The following PBX3 variants were observed in gnomAD, a reference collection of about 807,000 sequenced individuals.
PBX3 encodes pre-B-cell leukemia transcription factor 3.
In PBX3, 14 loss-of-function variants were observed where a neutral mutation model predicts 48.5. The ratio of observed to expected loss-of-function variants is 0.29; its 90% CI spans 0.19 to 0.45. The LOEUF is 0.45. PBX3 is among the 20% of genes least tolerant of loss of function. The pLI is 1.00. For synonymous variants in PBX3, 210 were observed against 200.3 expected, an observed-to-expected ratio of 1.05 and a Z score of -0.41; for missense variants, 386 against 546.7, an observed-to-expected ratio of 0.71 and a Z score of 2.93.
At chr9:125,788,100 T>TA (rs752498634) in intron 2 of PBX3, among the ~76,000 whole-genome samples, 6 of 152,246 alleles carry the variant, frequency 3.9e-5, no homozygotes, top group Non-Finnish European at 8.8e-5. Context: ...TATTAGTTAA[T>TA]AACCAACAGT....
At chr9:125,899,316 TA>T (rs1840867312) in intron 2 of PBX3, among the ~76,000 whole-genome samples, 2 of 112,682 alleles carry the variant, frequency 1.8e-5, no homozygotes, top group South Asian at 4.9e-4. Context: ...TATATGTATA[TA>T]TTTTTATATA....
chr9:125,784,205 T>C (rs1317858126), intron 2 of PBX3, among the ~76,000 whole-genome samples: 3 of 152,102 alleles, frequency 2.0e-5, no homozygotes, highest in Non-Finnish European at 4.4e-5. Context: ...CTTGGCTCAC[T>C]GCAACCTCTG....
intron 3 of PBX3, among the ~76,000 whole-genome samples, chr9:125,918,889 C>G (rs918869271): frequency 6.6e-6 from 1 of 152,118 alleles, no homozygotes; most frequent in Non-Finnish European, 1.5e-5. Context: ...ATGGTCCTTT[C>G]AGAGACATGC....
chr9:125,829,297 C>T (rs947430301), intron 2 of PBX3, among the ~76,000 whole-genome samples: 3 of 152,136 alleles, frequency 2.0e-5, no homozygotes, highest in Non-Finnish European at 4.4e-5. Context: ...TATTCTCAAA[C>T]TACATCATTA....
At chr9:125,836,948 A>C (rs531131342) in intron 2 of PBX3, among the ~76,000 whole-genome samples, 2 of 152,350 alleles carry the variant, frequency 1.3e-5, no homozygotes, top group African/African-American at 4.8e-5. Flanking sequence ...AAATTGGTAC[A>C]ACCTTTCTTT....
intron 2 of PBX3, among the ~76,000 whole-genome samples, chr9:125,783,616 C>T (rs12236184): frequency 6.6e-6 from 1 of 152,234 alleles, no homozygotes; most frequent in Admixed American, 6.5e-5. Context: ...AATCTCTTTG[C>T]TAATACTCTG....
At chr9:125,802,407 G>A (rs1433473611) in intron 2 of PBX3, among the ~76,000 whole-genome samples, 1 of 114,912 alleles carries the variant, frequency 8.7e-6, no homozygotes, top group Non-Finnish European at 1.7e-5. Context: ...TCATTCCGTT[G>A]CCCAGTGTGG....
intron 2 of PBX3, among the ~76,000 whole-genome samples, chr9:125,866,726 T>C (rs1839991153): frequency 6.6e-6 from 1 of 152,214 alleles, no homozygotes. Flanking sequence ...CAGATGTTAT[T>C]TGTAACTTTG....
chr9:125,813,406 G>GTA (rs1311103206), intron 2 of PBX3, among the ~76,000 whole-genome samples: 4 of 152,158 alleles, frequency 2.6e-5, no homozygotes, highest in African/African-American at 9.7e-5. Context: ...AACCATCATT[G>GTA]TATATGTGGT....
intron 8 of PBX3, 49 bp from the exon 9 acceptor site, chr9:125,965,782 A>G: frequency 7.4e-7 from 1 of 1,360,374 alleles, no homozygotes; most frequent in Non-Finnish European, 1.1e-6. Flanking sequence ...ATTGGGGAGT[A>G]GAATTAATAT....
intron 2 of PBX3, among the ~76,000 whole-genome samples, chr9:125,865,096 T>TG (rs1232752723): frequency 6.6e-6 from 1 of 152,276 alleles, no homozygotes; most frequent in Non-Finnish European, 1.5e-5. Context: ...CTGGGTAACT[T>TG]GTGGCCATGC....
chr9:125,881,530 T>A (rs1038354655), intron 2 of PBX3, among the ~76,000 whole-genome samples: 1 of 152,184 alleles, frequency 6.6e-6, no homozygotes, highest in African/African-American at 2.4e-5. Context: ...GCAATATAAT[T>A]ATACATTTCT....
At chr9:125,955,482 G>A (rs945278024) in intron 5 of PBX3, among the ~76,000 whole-genome samples, 1 of 152,190 alleles carries the variant, frequency 6.6e-6, no homozygotes, top group Non-Finnish European at 1.5e-5. Context: ...AGGTTAAGAA[G>A]GGAAAAGGGA....
intron 2 of PBX3, among the ~76,000 whole-genome samples, chr9:125,816,293 C>T (rs1210889063): frequency 1.3e-5 from 2 of 151,350 alleles, no homozygotes; most frequent in African/African-American, 2.4e-5. Context: ...CCCCTGCACC[C>T]GGCTCTTCCC....
chr9:125,756,664 C>T (rs1836526490), intron 2 of PBX3, among the ~76,000 whole-genome samples: 1 of 152,156 alleles, frequency 6.6e-6, no homozygotes, highest in Non-Finnish European at 1.5e-5. Flanking sequence ...CCACAGCTGC[C>T]ATGCATGCAT....
intron 2 of PBX3, among the ~76,000 whole-genome samples, chr9:125,777,437 C>T (rs532808638): frequency 6.6e-6 from 1 of 151,826 alleles, no homozygotes; most frequent in Admixed American, 6.6e-5. Context: ...CTCACTGCAA[C>T]CTCCACCCCC....
chr9:125,813,043 A>G lies in PBX3; in HGVS notation c.274+64420A>G, dbSNP rs944984479. On this transcript the variant is annotated intron_variant, in intron 2 of 8. Transcript: ENST00000373489. ...TTTATATATGATGTACACTTAGGCT[A>G]TACTAAATTTATAAAAATATTTTTA... Among the ~76,000 whole-genome samples, 4 of 152,242 alleles carry G rather than the reference A, an allele frequency of 2.6e-5. No homozygotes were observed. The South Asian group carries it at 8.3e-4, about 31-fold the overall frequency.
rs1215404993 is a variant in PBX3, at chr9:125,935,456, T to G, written c.708-16T>G. 1 of 1,612,660 alleles carries G rather than the reference T, an allele frequency of 6.2e-7. No individual in the cohort carries two copies. The highest frequency in any genetic ancestry group is 1.1e-5 in the South Asian group (1 of 90,990). On this transcript the variant is annotated splice_polypyrimidine_tract_variant and intron_variant, in intron 4 of 8. Coordinates refer to ENST00000373489, the MANE Select transcript of PBX3 (RefSeq NM_006195.6). ...CTGATTGTAACTGCAATTATTTTCTTTCACTCTTGTCATAGACGGAAAAGG... is the reference window on the plus strand; with the variant it reads ...CTGATTGTAACTGCAATTATTTTCTGTCACTCTTGTCATAGACGGAAAAGG...
At chr9:125,750,433 AAGTCCTTTAGTTGCTTATTTGCAC>A (rs1470468805) in intron 2 of PBX3, among the ~76,000 whole-genome samples, 1 of 152,228 alleles carries the variant, frequency 6.6e-6, no homozygotes, top group Admixed American at 6.5e-5. Flanking sequence ...TAGGAAGCAT[AAGTCCTTTAGTTGCTTATTTGCAC>A]AGGACTTAGT....
Sources: allele counts gnomAD v4.1 joint callset (sites outside exome capture counted in the v4.1 genomes callset), GRCh38; gene constraint gnomAD v4.1.1; transcripts MANE v1.5; gene names NCBI Gene and HGNC (gene_info 2026-07-23, HGNC 2026-07-21).